The following FHIT variants were observed in gnomAD, a reference collection of about 807,000 sequenced individuals.
The protein encoded by FHIT is bis(5'-adenosyl)-triphosphatase.
FHIT carries 19 observed loss-of-function variants against 17.9 expected under a neutral mutation model. That is an observed-to-expected ratio of 1.06 (90% CI 0.74 to 1.56). The LOEUF (loss-of-function observed/expected upper bound fraction) is 1.56. Ranked by LOEUF, FHIT falls within the 40% of genes most tolerant of loss-of-function variation. The pLI is 0.00. For synonymous variants in FHIT, 81 were observed against 69.7 expected (o/e 1.16, Z -0.81); for missense variants, 248 against 189.2 (o/e 1.31, Z -1.82).
At chr3:59,857,705 G>GTTTTTTTTTTTTTTT (rs78150569) in intron 8 of FHIT, among the ~76,000 whole-genome samples, 12 of 115,396 alleles carry the variant, frequency 1.0e-4, no homozygotes, top group African/African-American at 3.3e-4. Flanking sequence ...AAAGTGCTGG[G>GTTTTTTTTTTTTTTT]TTTTTTTTTT....
At chr3:60,382,299 T>C (rs1700832830) in intron 5 of FHIT, among the ~76,000 whole-genome samples, 1 of 152,178 alleles carries the variant, frequency 6.6e-6, no homozygotes, top group African/African-American at 2.4e-5. Flanking sequence ...TTAGCAGCAG[T>C]ATAAAACTAC....
intron 5 of FHIT, among the ~76,000 whole-genome samples, chr3:60,416,501 C>G (rs143915067): frequency 1.3e-5 from 2 of 152,292 alleles, no homozygotes; most frequent in Non-Finnish European, 2.9e-5. Flanking sequence ...TGTGTGAAAG[C>G]AGTCCCAGAC....
intron 8 of FHIT, among the ~76,000 whole-genome samples, chr3:59,869,694 T>A (rs1261697666): frequency 6.6e-6 from 1 of 151,544 alleles, no homozygotes; most frequent in Non-Finnish European, 1.5e-5. Flanking sequence ...TTTCATCATG[T>A]TAGCCAGGAT....
intron 5 of FHIT, among the ~76,000 whole-genome samples, chr3:60,305,696 C>G (rs1302034236): frequency 6.6e-6 from 1 of 152,078 alleles, no homozygotes; most frequent in East Asian, 1.9e-4. Context: ...TAGAGAAGTA[C>G]CATTAACAGT....
chr3:60,967,555 T>A (rs1337919302), intron 3 of FHIT, among the ~76,000 whole-genome samples: 5 of 152,222 alleles, frequency 3.3e-5, no homozygotes, highest in Non-Finnish European at 7.3e-5. Flanking sequence ...TGTCAATGGT[T>A]ACTGCTGAAA....
intron 7 of FHIT, among the ~76,000 whole-genome samples, chr3:59,986,498 AATATATATATATATATATATAT>A (rs74199531): frequency 0.074 from 4,630 of 62,234 alleles, 212 homozygotes; most frequent in Admixed American, 0.11. Context: ...AGTAGTCCAA[AATATATATATATATATATATAT>A]ATATATATAT....
rs116559179 is a variant in FHIT at position 60,408,076 on chromosome 3, C to A, written c.103+128784G>T. Among the ~76,000 whole-genome samples, 1,162 of 152,296 alleles carry A rather than the reference C, an allele frequency of 7.6e-3. 7 individuals are homozygous for A. The highest frequency in any genetic ancestry group is 0.01 in the Middle Eastern group (3 of 294). On this transcript the variant is annotated intron_variant, in intron 5 of 9. Transcript: ENST00000492590. ...AAAATTTTCCTCAAGTCTTTTCAAC[C>A]AGCACTCACCATGTAACTTTTGAAA...
intron 7 of FHIT, among the ~76,000 whole-genome samples, chr3:59,993,834 C>T (rs1414728183): frequency 6.6e-6 from 1 of 152,028 alleles, no homozygotes; most frequent in African/African-American, 2.4e-5. Context: ...CTCAGTTAAC[C>T]TCATCTTTAA....
At chr3:60,427,423 A>T (rs1702713490) in intron 5 of FHIT, among the ~76,000 whole-genome samples, 1 of 152,136 alleles carries the variant, frequency 6.6e-6, no homozygotes. Flanking sequence ...CAGGACCTTT[A>T]GCTGAGGACC....
intron 4 of FHIT, among the ~76,000 whole-genome samples, chr3:60,580,673 T>G (rs113818585): frequency 6.6e-6 from 1 of 152,094 alleles, no homozygotes; most frequent in Non-Finnish European, 1.5e-5. Context: ...AATCCCAAGT[T>G]TGAGTACTGT....
chr3:60,800,989 C>G (rs1701167665), intron 4 of FHIT, among the ~76,000 whole-genome samples: 1 of 152,102 alleles, frequency 6.6e-6, no homozygotes. Flanking sequence ...TGTTGACCCA[C>G]TAATGGTGGT....
At chr3:60,481,655 T>C (rs1291152019) in intron 5 of FHIT, among the ~76,000 whole-genome samples, 1 of 152,192 alleles carries the variant, frequency 6.6e-6, no homozygotes, top group Non-Finnish European at 1.5e-5. Flanking sequence ...AGGCCTGCCT[T>C]GCATGAGATT....
At chr3:59,927,947 G>A (rs1169538515) in intron 7 of FHIT, among the ~76,000 whole-genome samples, 1 of 152,164 alleles carries the variant, frequency 6.6e-6, no homozygotes, top group African/African-American at 2.4e-5. Flanking sequence ...ATACTCACCT[G>A]AGGATTGCCA....
At chr3:60,602,811 G>C (rs2107715818) in intron 4 of FHIT, among the ~76,000 whole-genome samples, 1 of 152,256 alleles carries the variant, frequency 6.6e-6, no homozygotes, top group Non-Finnish European at 1.5e-5. Flanking sequence ...ACTGGGATTA[G>C]TGCCTGTATA....
At chr3:60,307,458 A>G (rs1708729330) in intron 5 of FHIT, among the ~76,000 whole-genome samples, 1 of 152,202 alleles carries the variant, frequency 6.6e-6, no homozygotes. Flanking sequence ...GGGAATATGA[A>G]CTGGAAGAAG....
At chr3:59,995,274 C>T (rs904668706) in intron 7 of FHIT, among the ~76,000 whole-genome samples, 1 of 152,040 alleles carries the variant, frequency 6.6e-6, no homozygotes, top group African/African-American at 2.4e-5. Flanking sequence ...AACTCTATCT[C>T]CAACTTAGCT....
At chr3:60,021,101 A>T (rs560307481) in intron 5 of FHIT, among the ~76,000 whole-genome samples, 17 of 152,320 alleles carry the variant, frequency 1.1e-4, no homozygotes, top group African/African-American at 3.8e-4. Context: ...AATATGATAA[A>T]TTCCAGAGCA....
chr3:60,580,846 G>A (rs528145064), intron 4 of FHIT, among the ~76,000 whole-genome samples: 2 of 152,238 alleles, frequency 1.3e-5, no homozygotes, highest in East Asian at 3.9e-4. Context: ...TGATTGATGA[G>A]TGATGCCTGC....
intron 5 of FHIT, among the ~76,000 whole-genome samples, chr3:60,110,009 C>T (rs1308389869): frequency 1.3e-5 from 2 of 152,088 alleles, no homozygotes; most frequent in African/African-American, 2.4e-5. Flanking sequence ...TTCGAGACCT[C>T]GATCAGAAAT....
Sources: gnomAD v4.1 joint callset for allele counts (sites outside exome capture counted in the v4.1 genomes callset) on GRCh38, gnomAD v4.1.1 for gene constraint, MANE v1.5 for transcripts, NCBI Gene and HGNC (gene_info 2026-07-23, HGNC 2026-07-21) for gene names.